Variants in CLMN observed in about 807,000 individuals in gnomAD.
The protein encoded by CLMN is calmin (calponin-like, transmembrane).
CLMN carries 57 observed loss-of-function variants against 92.7 expected under a neutral mutation model. That is an observed-to-expected ratio of 0.61 (90% CI 0.50 to 0.77). The LOEUF (loss-of-function observed/expected upper bound fraction) is 0.77, where lower values mean the gene tolerates loss of function less well. CLMN is among the 30% of genes least tolerant of loss of function. The probability of loss-of-function intolerance (pLI) is 0.00; values close to 1 mark genes in which losing one functional copy is unlikely to be tolerated. For synonymous variants in CLMN, 466 were observed against 470.6 expected, an observed-to-expected ratio of 0.99 and a Z score of 0.13; for missense variants, 1,158 against 1,237.5, an observed-to-expected ratio of 0.94 and a Z score of 0.96.
At chr14:95,271,397 A>G (rs1193959403) in intron 1 of CLMN, among the ~76,000 whole-genome samples, 1 of 152,196 alleles carries the variant, frequency 6.6e-6, no homozygotes, top group Non-Finnish European at 1.5e-5. Flanking sequence ...CGACCTGTCT[A>G]GAGAGGCCAC....
intron 1 of CLMN, among the ~76,000 whole-genome samples, chr14:95,287,120 T>A (rs147642313): frequency 3.1e-4 from 47 of 152,336 alleles, no homozygotes; most frequent in African/African-American, 1.1e-3. Context: ...TCTTCCCTCC[T>A]GTGAATTTGC....
rs960521568 is a variant in CLMN, at chr14:95,191,289, C to G, written c.*275G>C. On this transcript the variant is annotated 3_prime_UTR_variant, in exon 13 of 13. Coordinates refer to ENST00000298912, the MANE Select transcript of CLMN (RefSeq NM_024734.4). The surrounding 1 kb of genome is among the most constrained non-coding windows in gnomAD (Gnocchi z 5.3). ...ATCACTAACAATGCTCCCTATCCAACCCAGCAAGGCACACAAGGACAAAAC... is the reference window on the plus strand; with the variant it reads ...ATCACTAACAATGCTCCCTATCCAAGCCAGCAAGGCACACAAGGACAAAAC... 7.3e-6 allele frequency: 2 copies of G among 272,900 alleles called. No homozygotes were observed. The highest frequency in any genetic ancestry group is 1.4e-5 in the Non-Finnish European group (2 of 146,712). 16.9% of individuals were successfully genotyped at this position (272,900 alleles called of 1,614,324 possible). A position where few individuals can be genotyped will look rare whatever the true frequency, so the allele number is the denominator to read the frequency against.
chr14:95,241,329 G>A (rs557129195), intron 1 of CLMN, among the ~76,000 whole-genome samples: 1 of 152,214 alleles, frequency 6.6e-6, no homozygotes, highest in African/African-American at 2.4e-5. Flanking sequence ...AGGTAAACCA[G>A]GACAAGTGGG....
chr14:95,319,448 C>T (rs1003281943), intron 1 of CLMN, among the ~76,000 whole-genome samples: 7 of 152,160 alleles, frequency 4.6e-5, no homozygotes. Flanking sequence ...GGTGACGTCC[C>T]CCTAATGAAA....
rs528163416 is a variant in CLMN, at chr14:95,194,588, T to C, written c.2717A>G (p.His906Arg). The C allele has an allele frequency of 1.2e-6, 2 of 1,614,214 alleles. No homozygotes were observed. The highest frequency in any genetic ancestry group is 2.2e-5 in the South Asian group (2 of 91,076). The change falls in exon 11 of 13, where the codon CAC becomes CGC. Residue 906 changes from histidine (H) to arginine (R), a missense_variant. Physicochemically the swap from His to Arg is conservative, Grantham distance 29. Coordinates refer to ENST00000298912, the MANE Select transcript of CLMN (RefSeq NM_024734.4). This position sits in a 1 kb window ranked among gnomAD's most constrained non-coding sequence, Gnocchi z 4.0. ...SDYSIPSRTS[H>R]SDSSIYLRRH... The stretch of plus-strand genomic sequence containing the variant: ...TCGAAGGTAAATGCTGGAGTCACTG[T>C]GACTAGTCCTGAAAAACAAACACAT...
chr14:95,262,963 C>T (rs1369221076), intron 1 of CLMN, among the ~76,000 whole-genome samples: 1 of 152,194 alleles, frequency 6.6e-6, no homozygotes, highest in African/African-American at 2.4e-5. Context: ...CAAAACTAGG[C>T]CATGGTCTCA....
chr14:95,203,414 G>A lies in CLMN; in HGVS notation c.1935C>T (p.Ala645=), dbSNP rs1302858644. 1.9e-5 allele frequency: 30 copies of A among 1,613,880 alleles called. No individual in the cohort carries two copies. The highest frequency in any genetic ancestry group is 2.5e-5 in the Non-Finnish European group (29 of 1,180,012). Residue 645 remains alanine, a synonymous_variant, in exon 9 of 13, where the codon GCC becomes GCT. Coordinates refer to ENST00000298912, the MANE Select transcript of CLMN (RefSeq NM_024734.4). ...SGEEAEGCPS[A]PEETPVDKKP... The stretch of plus-strand genomic sequence containing the variant: ...TTTTATCCACTGGTGTCTCTTCTGG[G>A]GCTGAAGGACAGCCTTCAGCTTCTT...
chr14:95,246,614 G>A (rs995495360), intron 1 of CLMN, among the ~76,000 whole-genome samples: 28 of 152,108 alleles, frequency 1.8e-4, no homozygotes, highest in East Asian at 5.8e-4. Context: ...GAGTAGAGGC[G>A]CCCACCACCA....
In CLMN at chr14:95,203,347, G is replaced by A. The variant is rs1566863190; in HGVS notation, c.2002C>T (p.Pro668Ser). The stretch of plus-strand genomic sequence containing the variant: ...TCTTCTCCCTCTTCCTCATAATGAG[G>A]ACGGGTGGACTTTCTCTTGGCCTTT... ...HEKAKRKSTR[P>S]HYEEEGEDDD... The change falls in exon 9 of 13, where the codon CCT becomes TCT. Residue 668 changes from proline (P) to serine (S), a missense_variant. Transcript: ENST00000298912. The A allele has an allele frequency of 1.2e-6, 2 of 1,613,956 alleles. No individual in the cohort carries two copies. Among genetic ancestry groups the A allele is most frequent in the Non-Finnish European group, 1.7e-6 (2 of 1,180,004 alleles).
At chr14:95,222,373 A>G (rs775514207) in intron 3 of CLMN, 136 of 323,380 alleles carry the variant, frequency 4.2e-4, no homozygotes, top group Non-Finnish European at 4.7e-4. Flanking sequence ...TTAGCTCTAC[A>G]TACCAGGAAT....
chr14:95,297,082 C>T (rs1269692862), intron 1 of CLMN, among the ~76,000 whole-genome samples: 1 of 152,176 alleles, frequency 6.6e-6, no homozygotes, highest in Non-Finnish European at 1.5e-5. Context: ...GGACTCCTAT[C>T]TGTGGCTTTC....
chr14:95,291,710 T>G (rs542147822), intron 1 of CLMN, among the ~76,000 whole-genome samples: 1 of 152,260 alleles, frequency 6.6e-6, no homozygotes, highest in South Asian at 2.1e-4. Context: ...GTATCTGTCC[T>G]CTAAGATCAC....
At position 95,213,274 on chromosome 14, in the gene CLMN, C is replaced by G; in HGVS notation, c.553G>C (p.Asp185His). The G allele has an allele frequency of 1.2e-6, 2 of 1,614,054 alleles. No individual in the cohort carries two copies. Residue 185 changes from aspartate (D) to histidine (H), a missense_variant, in exon 6 of 13, where the codon GAC becomes CAC. Asp to His is a moderately conservative substitution (Grantham distance 81). Transcript: ENST00000298912. The part of the protein sequence containing the change: ...AERSVAISVK[D>H]QRKAIKALLA... ...AGGGCCTTGATAGCCTTCCTCTGGT[C>G]TTTCACCGATATTGCCACGCTCCTC... is the stretch of plus-strand genomic sequence containing the variant.
intron 1 of CLMN, among the ~76,000 whole-genome samples, chr14:95,299,107 C>T (rs1253229482): frequency 6.6e-6 from 1 of 152,170 alleles, no homozygotes; most frequent in East Asian, 1.9e-4. Flanking sequence ...TTGAACCAGA[C>T]AAAAATCCTG....
chr14:95,263,244 G>T lies in CLMN; in HGVS notation c.83-33111C>A, dbSNP rs943919255. On this transcript the variant is annotated intron_variant, in intron 1 of 12. Transcript: ENST00000298912. ...CCTCTTCACGTGGCAGCAGCAAGGA[G>T]AAGTGCCAAACAAAGGGGAAAAGAC... 2.0e-5 allele frequency among the ~76,000 whole-genome samples: 3 copies of T among 152,212 alleles called. No individual in the cohort carries two copies. The East Asian group carries it at 5.8e-4, about 29-fold the overall frequency.
intron 8 of CLMN, among the ~76,000 whole-genome samples, chr14:95,206,345 C>CATTA (rs1897046746): frequency 1.3e-5 from 2 of 151,846 alleles, no homozygotes; most frequent in Non-Finnish European, 1.5e-5. Context: ...TTCTCTCCTG[C>CATTA]ATTAATGGAT....
chr14:95,279,830 T>C (rs1180469189), intron 1 of CLMN, among the ~76,000 whole-genome samples: 1 of 152,232 alleles, frequency 6.6e-6, no homozygotes, highest in Non-Finnish European at 1.5e-5. Flanking sequence ...ACTGGCTTTT[T>C]CACCAAAAAT....
At chr14:95,213,028 C>A (rs987663625) in intron 6 of CLMN, among the ~76,000 whole-genome samples, 191 bp downstream of exon 6, 1 of 152,162 alleles carries the variant, frequency 6.6e-6, no homozygotes, top group Non-Finnish European at 1.5e-5. Flanking sequence ...ACCTGGTGAT[C>A]CACTCGCCTC....
At chr14:95,282,916 C>T (rs898901215) in intron 1 of CLMN, among the ~76,000 whole-genome samples, 2 of 152,254 alleles carry the variant, frequency 1.3e-5, no homozygotes, top group Non-Finnish European at 2.9e-5. Context: ...GAAGCCCACA[C>T]TCTTTTTATA....
Sources: gnomAD v4.1 joint callset for allele counts (sites outside exome capture counted in the v4.1 genomes callset) on GRCh38, gnomAD v4.1.1 for gene constraint, Gnocchi (gnomAD v3.1) non-coding constraint, MANE v1.5 for transcripts, NCBI Gene and HGNC (gene_info 2026-07-23, HGNC 2026-07-21) for gene names.